MICU2: variants seen among roughly 807,000 people sequenced by gnomAD.
MICU2 encodes calcium uptake protein 2, mitochondrial.
A neutral mutation model predicts 60.4 loss-of-function variants in MICU2; 64 were observed. That is an observed-to-expected ratio of 1.06 (90% CI 0.87 to 1.31). The LOEUF is 1.31. Among genes scored for constraint, MICU2 ranks in the 50% most tolerant of loss-of-function variants. The pLI is 0.00. For synonymous variants in MICU2, 201 were observed against 175.0 expected, an observed-to-expected ratio of 1.15 and a Z score of -1.17; for missense variants, 569 against 531.0, an observed-to-expected ratio of 1.07 and a Z score of -0.70.
intron 1 of MICU2, among the ~76,000 whole-genome samples, chr13:21,578,846 C>T (rs1888284473): frequency 1.3e-5 from 2 of 152,084 alleles, no homozygotes. Context: ...AGAGGTAAAG[C>T]CATTGACAGG....
At chr13:21,499,248 C>A (rs1886083140) in intron 9 of MICU2, among the ~76,000 whole-genome samples, 2 of 151,820 alleles carry the variant, frequency 1.3e-5, no homozygotes, top group East Asian at 3.9e-4. Flanking sequence ...ATAGGCCCGG[C>A]CTGAATTTGC....
chr13:21,582,516 AATT>A (rs1566168551), intron 1 of MICU2, among the ~76,000 whole-genome samples: 3 of 152,186 alleles, frequency 2.0e-5, no homozygotes, highest in Non-Finnish European at 4.4e-5. Context: ...AGTAAACATA[AATT>A]ATTATTTTGT....
chr13:21,497,860 T>A (rs886256088), intron 9 of MICU2, among the ~76,000 whole-genome samples: 2 of 152,178 alleles, frequency 1.3e-5, no homozygotes, highest in African/African-American at 4.8e-5. Flanking sequence ...GCTATCCTCC[T>A]GCCTCAGTCT....
At chr13:21,572,015 C>A (rs147237096) in intron 1 of MICU2, among the ~76,000 whole-genome samples, 229 of 152,300 alleles carry the variant, frequency 1.5e-3, no homozygotes, top group African/African-American at 5.3e-3. Context: ...AATTGGATAT[C>A]TGATACCATG....
intron 8 of MICU2, among the ~76,000 whole-genome samples, chr13:21,505,866 A>G (rs575414697): frequency 5.3e-5 from 8 of 152,308 alleles, no homozygotes; most frequent in African/African-American, 1.9e-4. Context: ...AGTTATAAAG[A>G]GAAGACACTT....
At chr13:21,550,629 T>C (rs1254851026) in intron 2 of MICU2, among the ~76,000 whole-genome samples, 1 of 152,178 alleles carries the variant, frequency 6.6e-6, no homozygotes, top group Non-Finnish European at 1.5e-5. Flanking sequence ...AAAAGCTAGA[T>C]ATAGAAAATA....
chr13:21,602,282 G>A (rs934710396), intron 1 of MICU2, among the ~76,000 whole-genome samples: 6 of 151,942 alleles, frequency 3.9e-5, no homozygotes, highest in South Asian at 2.1e-4. Context: ...CAGCACTTAG[G>A]GAGGCCAAGG....
At position 21,508,212 on chromosome 13, in the gene MICU2, G is replaced by A. The variant is rs568349727; in HGVS notation, c.761+1792C>T. Reference sequence around the variant, plus strand: ...ACGATCCTGGCTCACTACAAGATCTGCCTCCCGGGTTCACACCATTCTCCT... The same window carrying A: ...ACGATCCTGGCTCACTACAAGATCTACCTCCCGGGTTCACACCATTCTCCT... On this transcript the variant is annotated intron_variant, in intron 8 of 11. Transcript: ENST00000382374. Among the ~76,000 whole-genome samples, 141 of 150,238 alleles carry A rather than the reference G, an allele frequency of 9.4e-4. 1 individual carries two copies. The Middle Eastern group carries it at 0.031, about 33-fold the overall frequency.
intron 8 of MICU2, 87 bp downstream of exon 8, chr13:21,509,917 T>C: frequency 1.4e-6 from 1 of 698,278 alleles, no homozygotes; most frequent in South Asian, 2.1e-5. Flanking sequence ...TTTTATGATC[T>C]GCAGTTCTAG....
At chr13:21,580,170 T>A (rs530748201) in intron 1 of MICU2, among the ~76,000 whole-genome samples, 1 of 152,150 alleles carries the variant, frequency 6.6e-6, no homozygotes, top group African/African-American at 2.4e-5. Context: ...GGAAGCAGTA[T>A]AAAATTATGC....
chr13:21,593,674 C>G (rs532885880), intron 1 of MICU2, among the ~76,000 whole-genome samples: 4 of 151,048 alleles, frequency 2.6e-5, no homozygotes, highest in African/African-American at 7.3e-5. Flanking sequence ...GTACTGGTAC[C>G]AAAACAGACA....
intron 4 of MICU2, among the ~76,000 whole-genome samples, chr13:21,527,592 G>C (rs1281641377): frequency 6.6e-6 from 1 of 152,130 alleles, no homozygotes; most frequent in Non-Finnish European, 1.5e-5. Context: ...TGTTTTTAAA[G>C]AAAACTGACA....
intron 2 of MICU2, chr13:21,551,311 T>G (rs1216989988): frequency 6.6e-6 from 1 of 152,418 alleles, no homozygotes; most frequent in Admixed American, 6.5e-5. Context: ...AAAAAATAAA[T>G]GGAATGCTTC....
chr13:21,557,387 T>G (rs1887733611), intron 2 of MICU2, among the ~76,000 whole-genome samples: 1 of 152,048 alleles, frequency 6.6e-6, no homozygotes, highest in African/African-American at 2.4e-5. Context: ...AGCAGCACAT[T>G]TGATGGTTTT....
chr13:21,529,340 A>T (rs757864652), intron 4 of MICU2, among the ~76,000 whole-genome samples: 9 of 152,226 alleles, frequency 5.9e-5, no homozygotes, highest in Non-Finnish European at 1.2e-4. Context: ...CGATGAGTGC[A>T]GTTTGGCATA....
chr13:21,593,390 C>T (rs1888624901), intron 1 of MICU2, among the ~76,000 whole-genome samples: 1 of 151,914 alleles, frequency 6.6e-6, no homozygotes, highest in Admixed American at 6.6e-5. Context: ...AAAAACATTC[C>T]TTGCTCATGG....
chr13:21,501,702 G>A (rs1299094075), intron 9 of MICU2, among the ~76,000 whole-genome samples: 1 of 152,220 alleles, frequency 6.6e-6, no homozygotes, highest in Non-Finnish European at 1.5e-5. Context: ...GTGGGGTTAT[G>A]TGATTAGTCT....
intron 1 of MICU2, among the ~76,000 whole-genome samples, chr13:21,574,079 G>C (rs1220188799): frequency 1.3e-5 from 2 of 152,206 alleles, no homozygotes; most frequent in Admixed American, 1.3e-4. Flanking sequence ...GCTGCCTGAG[G>C]AACTAGCTGG....
intron 4 of MICU2, chr13:21,530,730 CCAGA>C: frequency 2.1e-6 from 1 of 486,096 alleles, no homozygotes; most frequent in Non-Finnish European, 3.7e-6. Context: ...GGTGGCGAGC[CCAGA>C]CAGCCAGAGC....
Sources: allele counts gnomAD v4.1 joint callset (sites outside exome capture counted in the v4.1 genomes callset), GRCh38; gene constraint gnomAD v4.1.1; transcripts MANE v1.5; gene names NCBI Gene and HGNC (gene_info 2026-07-23, HGNC 2026-07-21).